Variants in SCUBE1 observed in about 807,000 individuals in gnomAD.
The protein encoded by SCUBE1 is signal peptide, CUB domain and EGF like domain containing 1, also known as signal peptide, CUB and EGF-like domain-containing protein 1.
A neutral mutation model predicts 124.4 loss-of-function variants in SCUBE1; 59 were observed. The ratio of observed to expected loss-of-function variants is 0.47; its 90% CI spans 0.38 to 0.59. The LOEUF (loss-of-function observed/expected upper bound fraction) is 0.59. Ranked by LOEUF, SCUBE1 falls within the 20% of genes least tolerant of loss-of-function variation. The pLI is 0.00. For missense variants in SCUBE1, 1,150 were observed against 1,371.2 expected (o/e 0.84, Z 2.55); for synonymous variants, 545 against 550.9 (o/e 0.99, Z 0.15).
chr22:43,273,561 C>CTTTTTTTTTTTTTTTT lies in SCUBE1; in HGVS notation c.485-10732_485-10717dup, dbSNP rs1056252584. ...TATAAAGTGGGGAGACTAAAACCCT[C>CTTTTTTTTTTTTTTTT]TTTTTTTTTTTTTTTTTTTTTTTTG... On this transcript the variant is annotated intron_variant, in intron 4 of 21. Transcript: ENST00000360835. 1.0e-3 allele frequency among the ~76,000 whole-genome samples: 62 copies of CTTTTTTTTTTTTTTTT among 60,970 alleles called. 8 individuals are homozygous for CTTTTTTTTTTTTTTTT. Among genetic ancestry groups the CTTTTTTTTTTTTTTTT allele is most frequent in the African/African-American group, 3.4e-3 (52 of 15,248 alleles). The allele number at this position is 60,970 out of a possible 152,430, so 40.0% of individuals were successfully genotyped here.
chr22:43,209,175 A>T (rs35865550), intron 19 of SCUBE1, among the ~76,000 whole-genome samples: 5,934 of 152,120 alleles, frequency 0.039, 142 homozygotes, highest in South Asian at 0.058. Context: ...GCAACTCTGG[A>T]GGAGCAGCCC....
At chr22:43,323,597 C>CATCT (rs1239009248) in intron 2 of SCUBE1, among the ~76,000 whole-genome samples, 8 of 114,020 alleles carry the variant, frequency 7.0e-5, no homozygotes, top group Non-Finnish European at 9.8e-5. Flanking sequence ...AACATCCATC[C>CATCT]ATCCATCCAT....
At chr22:43,240,817 C>T (rs543228418) in intron 6 of SCUBE1, among the ~76,000 whole-genome samples, 1 of 152,220 alleles carries the variant, frequency 6.6e-6, no homozygotes, top group Non-Finnish European at 1.5e-5. Context: ...ATCCAGGAGC[C>T]AATGTGCTCC....
At chr22:43,224,311 G>A (rs189638799) in intron 10 of SCUBE1, among the ~76,000 whole-genome samples, 12 of 152,364 alleles carry the variant, frequency 7.9e-5, no homozygotes, top group Admixed American at 6.5e-4. Context: ...CGTGCTGACT[G>A]CTTTGTTAGC....
intron 4 of SCUBE1, among the ~76,000 whole-genome samples, chr22:43,269,820 G>A (rs1418867148): frequency 6.6e-6 from 1 of 152,180 alleles, no homozygotes; most frequent in South Asian, 2.1e-4. Flanking sequence ...CAACGTTGAA[G>A]GGGGGTGAAG....
rs1924157844 is a variant in SCUBE1, at chr22:43,268,359, T to TC, written c.485-5515dup. On this transcript the variant is annotated intron_variant, in intron 4 of 21. Transcript: ENST00000360835. ...AGTTCAGCAGAGAGCCCTGCTGGTC[T>TC]CCCCTTCTTAATGGGAAGTGAGATA... Among the ~76,000 whole-genome samples the TC allele has an allele frequency of 2.0e-5, 3 of 152,260 alleles. No homozygotes were observed. The South Asian group carries it at 6.2e-4, about 32-fold the overall frequency.
intron 3 of SCUBE1, among the ~76,000 whole-genome samples, chr22:43,311,895 T>A (rs542617592): frequency 6.6e-6 from 1 of 152,130 alleles, no homozygotes; most frequent in Admixed American, 6.5e-5. Flanking sequence ...TCCCCTCAAA[T>A]GGTTCTAAGC....
intron 2 of SCUBE1, among the ~76,000 whole-genome samples, chr22:43,320,844 C>T (rs1601889018): frequency 1.3e-5 from 2 of 152,238 alleles, no homozygotes; most frequent in East Asian, 1.9e-4. Context: ...AAATGGGATT[C>T]GAATCCGTGG....
chr22:43,325,696 C>A (rs376727870), intron 2 of SCUBE1, among the ~76,000 whole-genome samples: 1 of 152,018 alleles, frequency 6.6e-6, no homozygotes, highest in East Asian at 1.9e-4. Flanking sequence ...CATCCCTGTT[C>A]CTTCCCCTGC....
At chr22:43,332,009 G>A (rs150827960) in intron 2 of SCUBE1, among the ~76,000 whole-genome samples, 129 of 152,292 alleles carry the variant, frequency 8.5e-4, no homozygotes, top group African/African-American at 3.0e-3. Flanking sequence ...AAAAATGGCC[G>A]GGTGCGGTGG....
At chr22:43,205,739 C>T (rs1183749858) in intron 21 of SCUBE1, among the ~76,000 whole-genome samples, 2 of 97,672 alleles carry the variant, frequency 2.0e-5, no homozygotes, top group East Asian at 2.5e-4. Flanking sequence ...ACACACCACA[C>T]GCCCACTCAC....
intron 4 of SCUBE1, among the ~76,000 whole-genome samples, chr22:43,281,514 A>AGCCACCCTCCTGTCACCTCCCTTG (rs1924881457): frequency 1.9e-5 from 1 of 51,420 alleles, no homozygotes; most frequent in Admixed American, 2.4e-4. Flanking sequence ...CCTCCTCCTC[A>AGCCACCCTCCTGTCACCTCCCTTG]GCCACCCTCC....
chr22:43,340,331 C>T (rs965153016), intron 1 of SCUBE1, among the ~76,000 whole-genome samples: 4 of 152,132 alleles, frequency 2.6e-5, no homozygotes, highest in Non-Finnish European at 5.9e-5. Context: ...CAAGTTCAGT[C>T]TAGGCTTTGA....
Position 43,220,388 on chromosome 22 carries a change from C to T in SCUBE1, c.1687+62G>A, listed in dbSNP as rs554158802. ...TTCATGCCTGGCAGGCCCCCGGCAG[C>T]GCCACCAGCCTGTCGTCCTCCTTCA... On this transcript the variant is annotated intron_variant, in intron 14 of 21. Coordinates refer to ENST00000360835, the MANE Select transcript of SCUBE1 (RefSeq NM_173050.5). The T allele has an allele frequency of 1.6e-4, 251 of 1,565,706 alleles. 1 individual carries two copies. The African/African-American group carries it at 2.6e-3, about 16-fold the overall frequency.
chr22:43,285,832 C>T (rs1925117761), intron 4 of SCUBE1, among the ~76,000 whole-genome samples: 1 of 152,238 alleles, frequency 6.6e-6, no homozygotes, highest in Admixed American at 6.5e-5. Context: ...GGTGCGGGAG[C>T]TCAGCCGATG....
intron 15 of SCUBE1, among the ~76,000 whole-genome samples, chr22:43,216,711 G>A (rs1045464913): frequency 6.6e-6 from 1 of 151,822 alleles, no homozygotes; most frequent in Non-Finnish European, 1.5e-5. Flanking sequence ...AGCTCCCTTT[G>A]TCCCCCCTTG....
intron 6 of SCUBE1, 124 bp from the exon 7 acceptor site, chr22:43,239,078 T>C: frequency 6.9e-6 from 5 of 727,010 alleles, no homozygotes; most frequent in Admixed American, 2.2e-5. Flanking sequence ...GGCTCTGATA[T>C]ACTCTCTGGC....
intron 2 of SCUBE1, among the ~76,000 whole-genome samples, chr22:43,335,146 G>C (rs1927022519): frequency 6.6e-6 from 1 of 152,134 alleles, no homozygotes; most frequent in South Asian, 2.1e-4. Flanking sequence ...GTAAACCAAG[G>C]ATGTGAACAT....
chr22:43,229,215 G>A (rs1204118999), intron 8 of SCUBE1, 27 bp from the exon 9 acceptor site: 4 of 1,502,426 alleles, frequency 2.7e-6, no homozygotes, highest in South Asian at 2.2e-5. Context: ...AGACAAAGTT[G>A]GGGGAGGAGT....
Sources: gnomAD v4.1 joint callset for allele counts (sites outside exome capture counted in the v4.1 genomes callset) on GRCh38, gnomAD v4.1.1 for gene constraint, MANE v1.5 for transcripts, NCBI Gene and HGNC (gene_info 2026-07-23, HGNC 2026-07-21) for gene names.